Variants in CLSTN3 observed in about 807,000 individuals in gnomAD.
CLSTN3 encodes the protein calsyntenin-3.
Under a neutral mutation model 95.9 loss-of-function variants are expected in CLSTN3, and 36 were observed. The observed-to-expected ratio is 0.38, with a 90% CI of 0.29 to 0.50. The LOEUF (loss-of-function observed/expected upper bound fraction) is 0.50, where lower values mean the gene tolerates loss of function less well. Ranked by LOEUF, CLSTN3 falls within the 20% of genes least tolerant of loss-of-function variation. The pLI is 0.95. For synonymous variants in CLSTN3, 481 were observed against 504.0 expected, an observed-to-expected ratio of 0.95 and a Z score of 0.61; for missense variants, 1,084 against 1,268.8, an observed-to-expected ratio of 0.85 and a Z score of 2.21.
chr12:7,144,451 T>C (rs934448701), intron 12 of CLSTN3, among the ~76,000 whole-genome samples: 4 of 152,198 alleles, frequency 2.6e-5, no homozygotes, highest in Admixed American at 6.5e-5. Flanking sequence ...AAAGTGGTGA[T>C]AGCAATAGAG....
At chr12:7,135,740 C>T (rs1357462116) in intron 4 of CLSTN3, 64 bp from the exon 5 acceptor site, 2 of 1,534,624 alleles carry the variant, frequency 1.3e-6, no homozygotes, top group Admixed American at 2.0e-5. Flanking sequence ...CTCAGACATC[C>T]TCCCCTCCCT....
At position 7,133,153 on chromosome 12, in the gene CLSTN3, G is replaced by A; in HGVS notation, c.187+7G>A. 1.2e-6 allele frequency: 2 copies of A among 1,614,038 alleles called. No individual in the cohort carries two copies. The highest frequency in any genetic ancestry group is 1.6e-4 in the Middle Eastern group (1 of 6,062). The stretch of plus-strand genomic sequence containing the variant: ...GCCCCGCTGCGCTATGCAGGTAATT[G>A]GGATTGGGGGATGGCAAGGCAGGGT... On this transcript the variant is annotated splice_region_variant and intron_variant, in intron 2 of 17. Coordinates refer to ENST00000266546, the MANE Select transcript of CLSTN3 (RefSeq NM_014718.4). This position sits in a 1 kb window ranked among gnomAD's most constrained non-coding sequence, Gnocchi z 4.7.
rs768112843 is a variant in CLSTN3 at position 7,136,902 on chromosome 12, G to A, written c.1002G>A (p.Val334=). Residue 334 remains valine, a synonymous_variant, in exon 7 of 18, where the codon GTG becomes GTA. Coordinates refer to ENST00000266546, the MANE Select transcript of CLSTN3 (RefSeq NM_014718.4). ...CCAACTGGACAGCAGGACTCTCGGT[G>A]CACTACAGCCAGGACAGCAGCCTGA... ...PNANWTAGLS[V]HYSQDSSLIY... is the part of the protein sequence containing the mutation. 3.8e-5 allele frequency: 61 copies of A among 1,614,004 alleles called. No homozygotes were observed. The African/African-American group carries it at 7.2e-4, about 19-fold the overall frequency.
intron 10 of CLSTN3, 86 bp from the exon 11 acceptor site, chr12:7,142,783 C>G (rs984598678): frequency 1.2e-6 from 1 of 845,168 alleles, no homozygotes; most frequent in Non-Finnish European, 1.7e-6. Flanking sequence ...TCTGCTCTTT[C>G]TCTCCTTTCC....
rs1939452439 is a variant in CLSTN3, at chr12:7,137,700, C to T, written c.1211-255C>T. Among the ~76,000 whole-genome samples, 2 of 151,198 alleles carry T rather than the reference C, an allele frequency of 1.3e-5. No homozygotes were observed. Among genetic ancestry groups the T allele is most frequent in the South Asian group, 4.2e-4 (2 of 4,802 alleles). On this transcript the variant is annotated intron_variant, in intron 7 of 17. Coordinates refer to ENST00000266546, the MANE Select transcript of CLSTN3 (RefSeq NM_014718.4). This position sits in a 1 kb window ranked among gnomAD's most constrained non-coding sequence, Gnocchi z 4.4. ...GATGGAGTGGGCCAGCTGATGTTCC[C>T]TCCTCAGCCAGCCAGCCAGGGTGCC...
At position 7,150,428 on chromosome 12, in the gene CLSTN3, G is replaced by A; in HGVS notation, c.2246-116G>A. 7.9e-7 allele frequency: 1 copy of A among 1,269,724 alleles called. No homozygotes were observed. Among genetic ancestry groups the A allele is most frequent in the Non-Finnish European group, 1.1e-6 (1 of 936,098 alleles). 78.7% of individuals were successfully genotyped at this position (1,269,724 alleles called of 1,614,324 possible). A position where few individuals can be genotyped will look rare whatever the true frequency, so the allele number is the denominator to read the frequency against. ...CCTCAGGTCGCACTTCTGCGGAGAT[G>A]GGGCTGACCTGCTCTACAGCTTGTG... On this transcript the variant is annotated intron_variant, in intron 14 of 17. Transcript: ENST00000266546. This position sits in a 1 kb window ranked among gnomAD's most constrained non-coding sequence, Gnocchi z 4.0.
chr12:7,157,848 G>A lies in CLSTN3; in HGVS notation c.2731-93G>A, dbSNP rs1416308055. ...CAGGCAGGGAAGGGGGTACACAGGG[G>A]TTAAGGGGACCGAGGGAAGTGTGGT... On this transcript the variant is annotated intron_variant, in intron 17 of 17. Transcript: ENST00000266546. This position sits in a 1 kb window ranked among gnomAD's most constrained non-coding sequence, Gnocchi z 5.9. 2.0e-6 allele frequency: 3 copies of A among 1,524,774 alleles called. No homozygotes were observed. Among genetic ancestry groups the A allele is most frequent in the African/African-American group, 1.4e-5 (1 of 72,674 alleles). 94.5% of individuals were successfully genotyped at this position (1,524,774 alleles called of 1,614,324 possible).
At chr12:7,132,230 A>T (rs905428779) in intron 1 of CLSTN3, among the ~76,000 whole-genome samples, 10 of 151,852 alleles carry the variant, frequency 6.6e-5, no homozygotes, top group Non-Finnish European at 1.2e-4. Context: ...GTTTCAGGGA[A>T]TGTGGTTTGA....
At position 7,149,084 on chromosome 12, in the gene CLSTN3, C is replaced by T. The variant is rs1201528619; in HGVS notation, c.1960C>T (p.Pro654Ser). Residue 654 changes from proline (P) to serine (S), a missense_variant, in exon 13 of 18, where the codon CCA (proline) becomes TCA (serine). Transcript: ENST00000266546. The surrounding 1 kb of genome is among the most constrained non-coding windows in gnomAD (Gnocchi z 4.5). ...GAGTGGCACTGCTCATTTTGCCCGC[C>T]CAGCTGTGGACTTTGAGGGAACCAA... ...LLSGTAHFARPAVDFEGTNGV... is the reference protein window; with the variant it reads ...LLSGTAHFARSAVDFEGTNGV... The T allele has an allele frequency of 3.1e-6, 5 of 1,614,110 alleles. No homozygotes were observed. The highest frequency in any genetic ancestry group is 2.7e-5 in the African/African-American group (2 of 74,936).
rs747090351 is a variant in CLSTN3 at position 7,141,411 on chromosome 12, T to C, written c.1486+7T>C. 7 of 1,614,004 alleles carry C rather than the reference T, an allele frequency of 4.3e-6. No individual in the cohort carries two copies. The Admixed American group carries it at 6.7e-5, about 15-fold the overall frequency. On this transcript the variant is annotated splice_region_variant and intron_variant, in intron 9 of 17. Transcript: ENST00000266546. The surrounding 1 kb of genome is among the most constrained non-coding windows in gnomAD (Gnocchi z 4.1). The stretch of plus-strand genomic sequence containing the variant: ...ATTGGGGCCTGCTGGACTGGTAAGC[T>C]TCTCAGTGAAGACTCCAGTGGTTCA...
rs1431136120 is a variant in CLSTN3, at chr12:7,142,891, C to T, written c.1563C>T (p.His521=). ...TAGGAGACCCTTTGTCGATCCACCA[C>T]TACTTCCATGGCTACCTGGCTGGTT... The part of the protein sequence containing the change: ...TTQGDPLSIH[H]YFHGYLAGFS... The change falls in exon 11 of 18, where the codon CAC becomes CAT. Residue 521 remains histidine, a synonymous_variant. Coordinates refer to ENST00000266546, the MANE Select transcript of CLSTN3 (RefSeq NM_014718.4). 10 of 1,614,084 alleles carry T rather than the reference C, an allele frequency of 6.2e-6. No homozygotes were observed. The highest frequency in any genetic ancestry group is 7.6e-6 in the Non-Finnish European group (9 of 1,180,032).
chr12:7,138,610 C>T (rs3759413), intron 8 of CLSTN3: 10,149 of 152,084 alleles, frequency 0.067, 455 homozygotes, highest in East Asian at 0.18. Context: ...GAAAAGCACT[C>T]CCTCTGTATA....
chr12:7,143,872 C>T lies in CLSTN3; in HGVS notation c.1847+561C>T, dbSNP rs141606115. On this transcript the variant is annotated intron_variant, in intron 12 of 17. Transcript: ENST00000266546. ...TCTATGGCTACTTTCACTGTGATGG[C>T]AGAACTGTGGGTAGTTGGGACAAAG... Among the ~76,000 whole-genome samples the T allele has an allele frequency of 5.3e-4, 80 of 152,302 alleles. 1 individual carries two copies. Among genetic ancestry groups the T allele is most frequent in the Non-Finnish European group, 9.8e-4 (67 of 68,030 alleles).
chr12:7,132,576 T>C, intron 1 of CLSTN3: 1 of 321,610 alleles, frequency 3.1e-6, no homozygotes, highest in South Asian at 5.0e-5. Context: ...AATCAGGATC[T>C]CAGGAAACTT....
Position 7,138,025 on chromosome 12 carries a change from T to C in CLSTN3, c.1281T>C (p.Leu427=). 3.1e-6 allele frequency: 5 copies of C among 1,613,864 alleles called. No individual in the cohort carries two copies. Among genetic ancestry groups the C allele is most frequent in the Non-Finnish European group, 4.2e-6 (5 of 1,179,948 alleles). ...TTGCCTTCCTCTACTGGCCCCTGCT[T>C]GAGAGTGCCCGCCCAGTCAAGTTCC... The part of the protein sequence containing the change: ...CRIAFLYWPL[L]ESARPVKFLW... Residue 427 remains leucine (L), a synonymous_variant, in exon 8 of 18, where the codon CTT becomes CTC. Transcript: ENST00000266546.
intron 16 of CLSTN3, chr12:7,156,569 T>C: frequency 2.2e-6 from 1 of 456,736 alleles, no homozygotes; most frequent in Non-Finnish European, 4.4e-6. Flanking sequence ...GTGGCTGGTG[T>C]GGGCCAGCAT....
intron 16 of CLSTN3, among the ~76,000 whole-genome samples, chr12:7,154,646 A>G (rs141098656): frequency 8.5e-5 from 13 of 152,170 alleles, no homozygotes; most frequent in Admixed American, 2.0e-4. Flanking sequence ...CACCTAAATT[A>G]TACCCTAGAA....
intron 1 of CLSTN3, chr12:7,130,986 A>C (rs1045146896): frequency 5.5e-6 from 3 of 548,418 alleles, no homozygotes; most frequent in African/African-American, 3.8e-5. Context: ...TGGGGTCTCT[A>C]TTCTCCCCTT....
chr12:7,131,883 G>T (rs1939311446), intron 1 of CLSTN3: 1 of 456,326 alleles, frequency 2.2e-6, no homozygotes, highest in Admixed American at 2.3e-5. Flanking sequence ...TGTGTGGTTG[G>T]AGGAAAGAAT....
Sources: gnomAD v4.1 joint callset for allele counts (sites outside exome capture counted in the v4.1 genomes callset) on GRCh38, gnomAD v4.1.1 for gene constraint, Gnocchi (gnomAD v3.1) non-coding constraint, MANE v1.5 for transcripts, NCBI Gene and HGNC (gene_info 2026-07-23, HGNC 2026-07-21) for gene names.